Variants in PRLR observed in about 807,000 individuals in gnomAD.
PRLR encodes the protein prolactin receptor.
In PRLR, 13 loss-of-function variants were observed where a neutral mutation model predicts 40.2. That is an observed-to-expected ratio of 0.32 (90% CI 0.21 to 0.51). The LOEUF (loss-of-function observed/expected upper bound fraction) is 0.51. Among genes scored for constraint, PRLR ranks in the 20% least tolerant of loss-of-function variants. PRLR has a pLI of 0.97. For missense variants in PRLR, 656 were observed against 747.3 expected, an observed-to-expected ratio of 0.88 and a Z score of 1.42; for synonymous variants, 269 against 278.7, an observed-to-expected ratio of 0.97 and a Z score of 0.35.
intron 2 of PRLR, among the ~76,000 whole-genome samples, chr5:35,100,732 C>T (rs1218836199): frequency 6.6e-6 from 1 of 152,172 alleles, no homozygotes; most frequent in African/African-American, 2.4e-5. Context: ...CATGACTGTA[C>T]TTCTAGCCTA....
chr5:35,193,646 A>T (rs551207284), intron 1 of PRLR, among the ~76,000 whole-genome samples: 1 of 152,244 alleles, frequency 6.6e-6, no homozygotes, highest in African/African-American at 2.4e-5. Context: ...TACCACCCAG[A>T]TTGCTGTACC....
chr5:35,100,358 C>T (rs1053132062), intron 2 of PRLR, among the ~76,000 whole-genome samples: 3 of 152,116 alleles, frequency 2.0e-5, no homozygotes, highest in Non-Finnish European at 4.4e-5. Flanking sequence ...CAGGGCTTCA[C>T]ATTCAGTCGC....
chr5:35,055,118 G>A (rs2055128), downstream of PRLR, among the ~76,000 whole-genome samples: 9 of 152,138 alleles, frequency 5.9e-5, no homozygotes, highest in Admixed American at 3.9e-4. Flanking sequence ...GATCACAAAT[G>A]GATGATGAAC....
intron 7 of PRLR, among the ~76,000 whole-genome samples, chr5:35,069,914 G>A (rs2112391263): frequency 6.6e-6 from 1 of 152,356 alleles, no homozygotes; most frequent in Middle Eastern, 3.4e-3. Flanking sequence ...CATGTCTGTA[G>A]CCTTATCCTA....
At chr5:35,106,833 C>A (rs1327361605) in intron 2 of PRLR, among the ~76,000 whole-genome samples, 1 of 152,156 alleles carries the variant, frequency 6.6e-6, no homozygotes, top group African/African-American at 2.4e-5. Context: ...AGAAAGTTAA[C>A]AAGGATATTC....
intron 1 of PRLR, among the ~76,000 whole-genome samples, chr5:35,183,866 C>T (rs1775355992): frequency 1.3e-5 from 2 of 152,152 alleles, no homozygotes; most frequent in African/African-American, 4.8e-5. Context: ...TTTGAAGGAC[C>T]CTAACATTTT....
At chr5:35,081,881 C>G (rs1327492933) in intron 5 of PRLR, 1 of 187,252 alleles carries the variant, frequency 5.3e-6, no homozygotes, top group East Asian at 1.2e-4. Context: ...CCCTCTTCTA[C>G]TTTTGGGGCT....
chr5:35,087,622 A>C (rs37386), intron 3 of PRLR, among the ~76,000 whole-genome samples: 1 of 151,940 alleles, frequency 6.6e-6, no homozygotes, highest in African/African-American at 2.4e-5. Context: ...GTTCTGAGCA[A>C]CCACTGTTAT....
chr5:35,064,926 A>C lies in PRLR; in HGVS notation c.*163T>G. On this transcript the variant is annotated 3_prime_UTR_variant, in exon 10 of 10. Transcript: ENST00000618457. ...TAGGAAACATAATGATTTGTTCTGG[A>C]ATCAGCTGCTGGAGAAAGAGGCAAG... 1.4e-6 allele frequency: 1 copy of C among 713,558 alleles called. No homozygotes were observed. The highest frequency in any genetic ancestry group is 2.0e-5 in the South Asian group (1 of 48,874). The allele number at this position is 713,558 out of a possible 1,614,324, so 44.2% of individuals were successfully genotyped here.
intron 2 of PRLR, among the ~76,000 whole-genome samples, chr5:35,107,433 T>G (rs190694315): frequency 1.3e-5 from 2 of 152,036 alleles, no homozygotes; most frequent in African/African-American, 2.4e-5. Context: ...TTAGTGAATC[T>G]AGGAGCTGGT....
At chr5:35,092,411 C>G (rs1771267744) in intron 2 of PRLR, among the ~76,000 whole-genome samples, 1 of 152,238 alleles carries the variant, frequency 6.6e-6, no homozygotes, top group South Asian at 2.1e-4. Flanking sequence ...CACAACTTCT[C>G]ACCCCTAAAG....
chr5:35,076,323 G>A (rs2112420768), intron 5 of PRLR, among the ~76,000 whole-genome samples: 2 of 152,252 alleles, frequency 1.3e-5, no homozygotes, highest in East Asian at 3.9e-4. Flanking sequence ...TGGCTAACTA[G>A]AATAAACAGC....
chr5:35,097,751 T>C lies in PRLR; in HGVS notation c.-43-8088A>G, dbSNP rs1771620471. ...GTGGGAACCGGGGAGAGCTCTTCAA[T>C]AGCAGTAGGTATTCCTGGGGCATCA... On this transcript the variant is annotated intron_variant, in intron 2 of 9. Transcript: ENST00000618457. 5.3e-5 allele frequency among the ~76,000 whole-genome samples: 8 copies of C among 152,124 alleles called. No homozygotes were observed. The South Asian group carries it at 8.3e-4, about 16-fold the overall frequency.
chr5:35,172,985 T>C (rs1775044565), intron 1 of PRLR, among the ~76,000 whole-genome samples: 1 of 152,238 alleles, frequency 6.6e-6, no homozygotes, highest in Non-Finnish European at 1.5e-5. Context: ...GTTTAGATTT[T>C]TTTCTTTTTT....
In PRLR at chr5:35,065,449, G is replaced by A. The variant is rs368647716; in HGVS notation, c.1509C>T (p.Ser503=). The A allele has an allele frequency of 1.5e-5, 24 of 1,613,996 alleles. No homozygotes were observed. The highest frequency in any genetic ancestry group is 6.7e-5 in the Admixed American group (4 of 59,998). ...TCTCCACATAATCCAAGGGTTTAGC[G>A]GAGCCAAAGGGGGTTTTCTCCTGGG... is the stretch of plus-strand genomic sequence containing the variant. The part of the protein sequence containing the change: ...LLPQEKTPFG[S]AKPLDYVEIH... The change falls in exon 10 of 10, where the codon TCC becomes TCT. Residue 503 remains serine (S), a synonymous_variant. Transcript: ENST00000618457.
chr5:35,065,594 C>T lies in PRLR; in HGVS notation c.1364G>A (p.Gly455Asp), dbSNP rs1316472267. ...GAPATLLNEA[G>D]KDALKSSQTI... ...TTGAGAGGATTTTAAAGCATCTTTA[C>T]CTGCTTCATTCAACAGAGTGGCCGG... Residue 455 changes from glycine (G) to aspartate (D), a missense_variant, in exon 10 of 10, where the codon GGT (glycine) becomes GAT (aspartate). By Grantham distance (94) the Gly-to-Asp change is moderately conservative. Coordinates refer to ENST00000618457, the MANE Select transcript of PRLR (RefSeq NM_000949.7). 15 of 1,614,122 alleles carry T rather than the reference C, an allele frequency of 9.3e-6. No homozygotes were observed. Among genetic ancestry groups the T allele is most frequent in the Non-Finnish European group, 1.3e-5 (15 of 1,180,030 alleles).
At chr5:35,212,877 G>T (rs941683576) in intron 1 of PRLR, among the ~76,000 whole-genome samples, 5 of 152,194 alleles carry the variant, frequency 3.3e-5, no homozygotes, top group African/African-American at 1.2e-4. Flanking sequence ...GTCCAAGTAT[G>T]AGATTCATTA....
At chr5:35,180,172 G>A (rs1775256752) in intron 1 of PRLR, among the ~76,000 whole-genome samples, 1 of 152,196 alleles carries the variant, frequency 6.6e-6, no homozygotes, top group African/African-American at 2.4e-5. Flanking sequence ...GATCTGACAG[G>A]AGGCTGAGCT....
rs111854665 is a variant in PRLR at position 35,067,009 on chromosome 5, C to T, written c.856-907G>A. Among the ~76,000 whole-genome samples the T allele has an allele frequency of 1.8e-3, 267 of 152,138 alleles. 3 individuals are homozygous for T. The East Asian group carries it at 0.024, about 14-fold the overall frequency. On this transcript the variant is annotated intron_variant, in intron 9 of 9. Coordinates refer to ENST00000618457, the MANE Select transcript of PRLR (RefSeq NM_000949.7). ...TGATCTCCTGACCTCGTGATCTGCC[C>T]GCCTCTGCCTTCCAAAGTGCTGGGA...
Sources: gnomAD v4.1 joint callset for allele counts (sites outside exome capture counted in the v4.1 genomes callset) on GRCh38, gnomAD v4.1.1 for gene constraint, MANE v1.5 for transcripts, NCBI Gene and HGNC (gene_info 2026-07-23, HGNC 2026-07-21) for gene names.